The following FUT6 variants were observed in gnomAD, a reference collection of about 807,000 sequenced individuals.
FUT6 encodes the protein 4-galactosyl-N-acetylglucosaminide 3-alpha-L-fucosyltransferase FUT6.
For missense variants in FUT6, 454 were observed against 494.6 expected (o/e 0.92, Z 0.78); for synonymous variants, 187 against 209.9 (o/e 0.89, Z 0.94).
Position 5,831,711 on chromosome 19 carries a change from G to T in FUT6, c.857C>A (p.Pro286His). 6 of 1,611,558 alleles carry T rather than the reference G, an allele frequency of 3.7e-6. No homozygotes were observed. The highest frequency in any genetic ancestry group is 5.1e-6 in the Non-Finnish European group (6 of 1,178,996). The change falls in exon 3 of 3, where the codon CCC (proline) becomes CAC (histidine). Residue 286 changes from proline to histidine, a missense_variant. Physicochemically the swap from Pro to His is moderately conservative, Grantham distance 77. Transcript: ENST00000318336. The surrounding 1 kb of genome is among the most constrained non-coding windows in gnomAD (Gnocchi z 7.0). ...GTCGTCCACGTGGATGAAGGCGTCG[G>T]GTGGCAGGAACCTCTCGTAGTTGCT... is the stretch of plus-strand genomic sequence containing the variant. ...SRSNYERFLP[P>H]DAFIHVDDFQ... is the part of the protein sequence containing the mutation.
In FUT6 at chr19:5,839,445, C is replaced by G. The variant is rs770608451; in HGVS notation, c.-909G>C. The stretch of plus-strand genomic sequence containing the variant: ...CAGAGCTGTTGCAGAGGCTGGGCCA[C>G]GGTCAGCCATAGGGTGTTCAGCACC... On this transcript the variant is annotated 5_prime_UTR_variant, in exon 1 of 3. Transcript: ENST00000318336. The G allele has an allele frequency of 6.6e-6, 1 of 152,230 alleles. No individual in the cohort carries two copies. Among genetic ancestry groups the G allele is most frequent in the Non-Finnish European group, 1.5e-5 (1 of 68,126 alleles). 9.4% of individuals were successfully genotyped at this position (152,230 alleles called of 1,614,324 possible).
Position 5,831,800 on chromosome 19 carries a change from G to A in FUT6, c.768C>T (p.Thr256=), listed in dbSNP as rs764411477. The A allele has an allele frequency of 3.7e-6, 6 of 1,613,752 alleles. No homozygotes were observed. The highest frequency in any genetic ancestry group is 3.3e-5 in the Admixed American group (2 of 59,990). The change falls in exon 3 of 3, where the codon ACC becomes ACT. Residue 256 remains threonine (T), a synonymous_variant. Transcript: ENST00000318336. The surrounding 1 kb of genome is among the most constrained non-coding windows in gnomAD (Gnocchi z 7.0). ...FENSLHPDYI[T]EKLWRNALEA... ...CCAGGGCGTTCCTCCACAGCTTCTCGGTGATGTAGTCGGGGTGCAAGGAGT... is the reference window on the plus strand; with the variant it reads ...CCAGGGCGTTCCTCCACAGCTTCTCAGTGATGTAGTCGGGGTGCAAGGAGT...
chr19:5,832,021 G>A lies in FUT6; in HGVS notation c.547C>T (p.Leu183Phe), dbSNP rs762669862. ...AGCTCGGTCTTGGCCGAGAGGTTGAGCGGTGGGTGGGCAGGCTGGCCGGAC... is the reference window on the plus strand; with the variant it reads ...AGCTCGGTCTTGGCCGAGAGGTTGAACGGTGGGTGGGCAGGCTGGCCGGAC... ...PWSGQPAHPP[L>F]NLSAKTELVA... is the part of the protein sequence containing the mutation. The change falls in exon 3 of 3, where the codon CTC (leucine) becomes TTC (phenylalanine). Residue 183 changes from leucine to phenylalanine, a missense_variant. Physicochemically the swap from Leu to Phe is conservative, Grantham distance 22 (BLOSUM62 0). Transcript: ENST00000318336. This position sits in a 1 kb window ranked among gnomAD's most constrained non-coding sequence, Gnocchi z 4.3. 1 of 1,613,826 alleles carries A rather than the reference G, an allele frequency of 6.2e-7. No individual in the cohort carries two copies. The highest frequency in any genetic ancestry group is 8.5e-7 in the Non-Finnish European group (1 of 1,180,020).
rs61147939 is a variant in FUT6, at chr19:5,831,661, G to T, written c.907C>A (p.Arg303=). ...DDFQSPKDLA[R]YLQELDKDHA... is the part of the protein sequence containing the mutation. ...TCCTTGTCCAGCTCCTGCAGGTACCGGGCCAGGTCCTTGGGGCTCTGGAAG... is the reference window on the plus strand; with the variant it reads ...TCCTTGTCCAGCTCCTGCAGGTACCTGGCCAGGTCCTTGGGGCTCTGGAAG... The change falls in exon 3 of 3, where the codon CGG becomes AGG. Residue 303 remains arginine (R), a synonymous_variant. Transcript: ENST00000318336. The surrounding 1 kb of genome is among the most constrained non-coding windows in gnomAD (Gnocchi z 7.0). 2.5e-6 allele frequency: 4 copies of T among 1,612,340 alleles called. No homozygotes were observed. In the South Asian group the frequency reaches 3.3e-5, roughly 13 times the overall value.
At chr19:5,835,801 G>C (rs1385873788) in intron 1 of FUT6, among the ~76,000 whole-genome samples, 1 of 152,186 alleles carries the variant, frequency 6.6e-6, no homozygotes, top group African/African-American at 2.4e-5. Context: ...TTTCTGTGAT[G>C]ACGGAAATGT....
chr19:5,831,882 G>T lies in FUT6; in HGVS notation c.686C>A (p.Pro229His). The part of the protein sequence containing the change: ...DVYGRSHKPL[P>H]QGTMMETLSR... Reference sequence around the variant, plus strand: ...CAGCGTCTCCATCATGGTTCCCTGGGGCAGGGGCTTGTGGGAGCGTCCGTA... The same window carrying T: ...CAGCGTCTCCATCATGGTTCCCTGGTGCAGGGGCTTGTGGGAGCGTCCGTA... The change falls in exon 3 of 3, where the codon CCC becomes CAC. Residue 229 changes from proline to histidine, a missense_variant. By Grantham distance (77) the Pro-to-His change is moderately conservative. Coordinates refer to ENST00000318336, the MANE Select transcript of FUT6 (RefSeq NM_000150.4). This position sits in a 1 kb window ranked among gnomAD's most constrained non-coding sequence, Gnocchi z 7.0. The T allele has an allele frequency of 2.5e-6, 4 of 1,613,970 alleles. No homozygotes were observed. Among genetic ancestry groups the T allele is most frequent in the Non-Finnish European group, 3.4e-6 (4 of 1,179,876 alleles).
chr19:5,837,651 A>C (rs2057198406), intron 1 of FUT6, among the ~76,000 whole-genome samples: 1 of 152,034 alleles, frequency 6.6e-6, no homozygotes, highest in African/African-American at 2.4e-5. Context: ...CTGTAGTCCC[A>C]GCTACTCGGG....
At chr19:5,838,130 GA>G (rs2057206484) in intron 1 of FUT6, 1 of 152,268 alleles carries the variant, frequency 6.6e-6, no homozygotes, top group African/African-American at 2.4e-5. Context: ...CAGGAGGGGA[GA>G]TTGGGGGAAA....
Position 5,831,382 on chromosome 19 carries a change from G to A in FUT6, c.*106C>T, listed in dbSNP as rs1158033586. 6.2e-6 allele frequency: 10 copies of A among 1,611,264 alleles called. No individual in the cohort carries two copies. The highest frequency in any genetic ancestry group is 8.5e-6 in the Non-Finnish European group (10 of 1,179,822). On this transcript the variant is annotated 3_prime_UTR_variant, in exon 3 of 3. Coordinates refer to ENST00000318336, the MANE Select transcript of FUT6 (RefSeq NM_000150.4). This position sits in a 1 kb window ranked among gnomAD's most constrained non-coding sequence, Gnocchi z 7.0. ...CCGTCCCAGGCAGGTGAGTCCTCAG[G>A]CAGGTGAAGCTTCAGGCAAACGAGT...
chr19:5,835,951 T>G (rs902026910), intron 1 of FUT6, among the ~76,000 whole-genome samples: 2 of 152,134 alleles, frequency 1.3e-5, no homozygotes, highest in Non-Finnish European at 2.9e-5. Context: ...TGCAGTGGTG[T>G]GATCTTGGCT....
At position 5,831,306 on chromosome 19, in the gene FUT6, G is replaced by T; in HGVS notation, c.*182C>A. On this transcript the variant is annotated 3_prime_UTR_variant, in exon 3 of 3. Transcript: ENST00000318336. This position sits in a 1 kb window ranked among gnomAD's most constrained non-coding sequence, Gnocchi z 7.0. ...CTCCAGCAGGTGAGGCCCCAGGAAA[G>T]TGAGGACCCAGGTAGGTGAATCCCC... 1 of 1,429,682 alleles carries T rather than the reference G, an allele frequency of 7.0e-7. No homozygotes were observed. Among genetic ancestry groups the T allele is most frequent in the Non-Finnish European group, 9.8e-7 (1 of 1,023,164 alleles). 88.6% of individuals were successfully genotyped at this position (1,429,682 alleles called of 1,614,324 possible).
chr19:5,836,779 A>G lies in FUT6; in HGVS notation c.-140-1702T>C, dbSNP rs571965613. ...AGGATTTCTGGAGCCCAGAAGTTCA[A>G]GGCTGCTGTAAGCCATGGTTGCACT... On this transcript the variant is annotated intron_variant, in intron 1 of 2. Transcript: ENST00000318336. Among the ~76,000 whole-genome samples the G allele has an allele frequency of 2.6e-5, 4 of 152,294 alleles. No individual in the cohort carries two copies. In the East Asian group the frequency reaches 7.7e-4, roughly 29 times the overall value.
Position 5,830,899 on chromosome 19 carries a change from C to T in FUT6, c.*589G>A, listed in dbSNP as rs138814800. ...GATTACAGGTGTGAGCCACCGCACC[C>T]GGCCTCATCATCGGTTTTCTTTGCA... is the stretch of plus-strand genomic sequence containing the variant. On this transcript the variant is annotated 3_prime_UTR_variant, in exon 3 of 3. Transcript: ENST00000318336. 239 of 267,088 alleles carry T rather than the reference C, an allele frequency of 8.9e-4. 1 individual carries two copies. Among genetic ancestry groups the T allele is most frequent in the East Asian group, 8.6e-3 (94 of 10,914 alleles). 16.5% of individuals were successfully genotyped at this position (267,088 alleles called of 1,614,324 possible).
Position 5,839,120 on chromosome 19 carries a change from T to C in FUT6, c.-584A>G, listed in dbSNP as rs2057220183. 2 of 152,124 alleles carry C rather than the reference T, an allele frequency of 1.3e-5. No homozygotes were observed. The highest frequency in any genetic ancestry group is 2.9e-5 in the Non-Finnish European group (2 of 68,032). 9.4% of individuals were successfully genotyped at this position (152,124 alleles called of 1,614,324 possible). On this transcript the variant is annotated 5_prime_UTR_variant, in exon 1 of 3. Coordinates refer to ENST00000318336, the MANE Select transcript of FUT6 (RefSeq NM_000150.4). ...GAGCAGAATTTCTACCTTTCCGCTT[T>C]CCTTCCCACCAGATCCCACCTTCTC...
chr19:5,831,053 C>T lies in FUT6; in HGVS notation c.*435G>A. 1 of 535,870 alleles carries T rather than the reference C, an allele frequency of 1.9e-6. No individual in the cohort carries two copies. The highest frequency in any genetic ancestry group is 3.4e-6 in the Non-Finnish European group (1 of 297,312). 33.2% of individuals were successfully genotyped at this position (535,870 alleles called of 1,614,324 possible). A position where few individuals can be genotyped will look rare whatever the true frequency, so the allele number is the denominator to read the frequency against. Reference sequence around the variant, plus strand: ...CCCCATGGGTGCCAGTTCCCAGGGCCCAGTGCCCTCCAGGGTGAGGTCCCC... The same window carrying T: ...CCCCATGGGTGCCAGTTCCCAGGGCTCAGTGCCCTCCAGGGTGAGGTCCCC... On this transcript the variant is annotated 3_prime_UTR_variant, in exon 3 of 3. Coordinates refer to ENST00000318336, the MANE Select transcript of FUT6 (RefSeq NM_000150.4). This position sits in a 1 kb window ranked among gnomAD's most constrained non-coding sequence, Gnocchi z 7.0.
At position 5,831,384 on chromosome 19, in the gene FUT6, A is replaced by T; in HGVS notation, c.*104T>A. ...GTCCCAGGCAGGTGAGTCCTCAGGC[A>T]GGTGAAGCTTCAGGCAAACGAGTCC... is the stretch of plus-strand genomic sequence containing the variant. On this transcript the variant is annotated 3_prime_UTR_variant, in exon 3 of 3. Coordinates refer to ENST00000318336, the MANE Select transcript of FUT6 (RefSeq NM_000150.4). This position sits in a 1 kb window ranked among gnomAD's most constrained non-coding sequence, Gnocchi z 7.0. 6.2e-7 allele frequency: 1 copy of T among 1,611,718 alleles called. No individual in the cohort carries two copies. Among genetic ancestry groups the T allele is most frequent in the South Asian group, 1.1e-5 (1 of 91,070 alleles).
chr19:5,831,867 A>G lies in FUT6; in HGVS notation c.701T>C (p.Met234Thr), dbSNP rs769158802. 9 of 1,613,950 alleles carry G rather than the reference A, an allele frequency of 5.6e-6. No homozygotes were observed. The South Asian group carries it at 7.7e-5, about 14-fold the overall frequency. The part of the protein sequence containing the change: ...SHKPLPQGTM[M>T]ETLSRYKFYL... ...GAACTTGTACCGGGACAGCGTCTCC[A>G]TCATGGTTCCCTGGGGCAGGGGCTT... Residue 234 changes from methionine to threonine, a missense_variant, in exon 3 of 3, where the codon ATG becomes ACG. Met to Thr is a moderately conservative substitution (Grantham distance 81, BLOSUM62 -1). Transcript: ENST00000318336. The surrounding 1 kb of genome is among the most constrained non-coding windows in gnomAD (Gnocchi z 7.0).
Position 5,831,946 on chromosome 19 carries a change from A to G in FUT6, c.622T>C (p.Tyr208His), listed in dbSNP as rs1281075561. The change falls in exon 3 of 3, where the codon TAC (tyrosine) becomes CAC (histidine). Residue 208 changes from tyrosine to histidine, a missense_variant. By Grantham distance (83) the Tyr-to-His change is moderately conservative (BLOSUM62 2). Transcript: ENST00000318336. This position sits in a 1 kb window ranked among gnomAD's most constrained non-coding sequence, Gnocchi z 7.0. ...AGATGGGCCTGCAGGCTCTGGTAGT[A>G]GCGCACCCTGGCGGAGTTTGGCCCC... ...NWGPNSARVR[Y>H]YQSLQAHLKV... is the part of the protein sequence containing the mutation. 1 of 1,613,930 alleles carries G rather than the reference A, an allele frequency of 6.2e-7. No individual in the cohort carries two copies. Among genetic ancestry groups the G allele is most frequent in the South Asian group, 1.1e-5 (1 of 91,076 alleles).
In FUT6 at chr19:5,839,062, C is replaced by G. The variant is rs2057219404; in HGVS notation, c.-526G>C. ...CCCAAAGCGGGTTCCACAGGGACACCAGGGGTTCCTTGGGAGGTGGGAATG... is the reference window on the plus strand; with the variant it reads ...CCCAAAGCGGGTTCCACAGGGACACGAGGGGTTCCTTGGGAGGTGGGAATG... On this transcript the variant is annotated 5_prime_UTR_variant, in exon 1 of 3. Transcript: ENST00000318336. 1 of 152,148 alleles carries G rather than the reference C, an allele frequency of 6.6e-6. No homozygotes were observed. Among genetic ancestry groups the G allele is most frequent in the Non-Finnish European group, 1.5e-5 (1 of 68,016 alleles). 9.4% of individuals were successfully genotyped at this position (152,148 alleles called of 1,614,324 possible).
Sources: gnomAD v4.1 joint callset for allele counts (sites outside exome capture counted in the v4.1 genomes callset) on GRCh38, gnomAD v4.1.1 for gene constraint, Gnocchi (gnomAD v3.1) non-coding constraint, MANE v1.5 for transcripts, NCBI Gene and HGNC (gene_info 2026-07-23, HGNC 2026-07-21) for gene names.